Variants in NKAIN2 observed in about 807,000 individuals in gnomAD.
The protein encoded by NKAIN2 is sodium/potassium transporting ATPase interacting 2.
Under a neutral mutation model 32.6 loss-of-function variants are expected in NKAIN2, and 14 were observed. That is an observed-to-expected ratio of 0.43 (90% CI 0.28 to 0.67). NKAIN2 has a LOEUF of 0.67. Ranked by LOEUF, NKAIN2 falls within the 30% of genes least tolerant of loss-of-function variation. The pLI is 0.17. For synonymous variants in NKAIN2, 80 were observed against 87.2 expected (o/e 0.92, Z 0.46); for missense variants, 198 against 258.3 (o/e 0.77, Z 1.60).
intron 3 of NKAIN2, among the ~76,000 whole-genome samples, chr6:124,619,964 G>A (rs961092742): frequency 1.3e-5 from 2 of 152,038 alleles, no homozygotes; most frequent in Non-Finnish European, 2.9e-5. Flanking sequence ...TTGTTGTGAG[G>A]ATTAAATAAG....
intron 3 of NKAIN2, among the ~76,000 whole-genome samples, chr6:124,389,973 T>A (rs942574185): frequency 2.0e-5 from 3 of 152,038 alleles, no homozygotes; most frequent in Non-Finnish European, 4.4e-5. Flanking sequence ...AAGCTGTGTG[T>A]GAGTCCCCAT....
chr6:123,893,970 A>T lies in NKAIN2; in HGVS notation c.54+89716A>T, dbSNP rs542595333. Among the ~76,000 whole-genome samples, 19 of 152,332 alleles carry T rather than the reference A, an allele frequency of 1.2e-4. No individual in the cohort carries two copies. The East Asian group carries it at 3.1e-3, about 25-fold the overall frequency. On this transcript the variant is annotated intron_variant, in intron 1 of 6. Transcript: ENST00000368417. ...TTAGAGAAGATTTAGAGAAGAATTT[A>T]GGTTCATTTATCTTAAAATTTTAAA...
intron 2 of NKAIN2, among the ~76,000 whole-genome samples, chr6:124,346,088 T>C (rs1304646912): frequency 6.6e-6 from 1 of 152,192 alleles, no homozygotes; most frequent in Non-Finnish European, 1.5e-5. Flanking sequence ...CATTTCGTTA[T>C]GTACCCAGTA....
chr6:124,019,293 C>T (rs553058760), intron 1 of NKAIN2, among the ~76,000 whole-genome samples: 67 of 152,088 alleles, frequency 4.4e-4, no homozygotes, highest in African/African-American at 1.6e-3. Flanking sequence ...ACAATAAGGA[C>T]TTTTATGTTA....
intron 4 of NKAIN2, among the ~76,000 whole-genome samples, chr6:124,700,870 T>TCACA (rs1562331736): frequency 1.7e-5 from 2 of 114,696 alleles, no homozygotes; most frequent in Admixed American, 9.1e-5. Context: ...GTCTCTTTCC[T>TCACA]GACACACACA....
chr6:123,935,047 A>AATATATATTATATATATATTTCT (rs1776432994), intron 1 of NKAIN2, among the ~76,000 whole-genome samples: 1 of 147,562 alleles, frequency 6.8e-6, no homozygotes. Context: ...ATATAATTGA[A>AATATATATTATATATATATTTCT]ATATATATTA....
Position 124,112,841 on chromosome 6 carries a change from T to G in NKAIN2, c.55-170164T>G, listed in dbSNP as rs532391589. Among the ~76,000 whole-genome samples the G allele has an allele frequency of 5.9e-5, 9 of 151,988 alleles. No individual in the cohort carries two copies. The South Asian group carries it at 1.9e-3, about 32-fold the overall frequency. On this transcript the variant is annotated intron_variant, in intron 1 of 6. Coordinates refer to ENST00000368417, the MANE Select transcript of NKAIN2 (RefSeq NM_001040214.3). ...TGATACTTTCTTCTGCTTGATCTAG[T>G]CTGCTGCTGAACCCCTTTAGTGCAT...
At chr6:124,724,354 G>A (rs1049856405) in intron 4 of NKAIN2, among the ~76,000 whole-genome samples, 6 of 151,628 alleles carry the variant, frequency 4.0e-5, no homozygotes, top group African/African-American at 1.5e-4. Flanking sequence ...GCTCTCACAG[G>A]GTATTTAAAG....
At chr6:124,495,409 G>A (rs1210097651) in intron 3 of NKAIN2, among the ~76,000 whole-genome samples, 1 of 151,068 alleles carries the variant, frequency 6.6e-6, no homozygotes, top group African/African-American at 2.5e-5. Context: ...TTGTTGTTAT[G>A]TTTTCCCTTG....
intron 3 of NKAIN2, among the ~76,000 whole-genome samples, chr6:124,573,766 A>G (rs1781223798): frequency 6.6e-6 from 1 of 152,154 alleles, no homozygotes; most frequent in Non-Finnish European, 1.5e-5. Context: ...ATAGCAGACT[A>G]GTGATATATA....
intron 3 of NKAIN2, among the ~76,000 whole-genome samples, chr6:124,407,020 T>G (rs1773891355): frequency 6.6e-6 from 1 of 152,156 alleles, no homozygotes; most frequent in Admixed American, 6.5e-5. Context: ...CATTGGTGGC[T>G]TAACATTTCA....
At chr6:123,948,071 C>T (rs189578584) in intron 1 of NKAIN2, among the ~76,000 whole-genome samples, 1 of 152,054 alleles carries the variant, frequency 6.6e-6, no homozygotes, top group East Asian at 1.9e-4. Context: ...CAGTTTTGTC[C>T]ATATTTCTGC....
chr6:123,845,582 C>G (rs1183993585), intron 1 of NKAIN2, among the ~76,000 whole-genome samples: 3 of 152,168 alleles, frequency 2.0e-5, no homozygotes, highest in Non-Finnish European at 2.9e-5. Flanking sequence ...CACCCATAAT[C>G]AGGTTTTTTC....
intron 2 of NKAIN2, among the ~76,000 whole-genome samples, chr6:124,332,037 T>C (rs1283123175): frequency 1.3e-5 from 2 of 152,128 alleles, no homozygotes; most frequent in Non-Finnish European, 2.9e-5. Context: ...ATCTAAAGAT[T>C]GGAAGAAGCT....
At chr6:123,917,272 A>G (rs990103570) in intron 1 of NKAIN2, among the ~76,000 whole-genome samples, 6 of 152,116 alleles carry the variant, frequency 3.9e-5, no homozygotes, top group Non-Finnish European at 8.8e-5. Flanking sequence ...TAGCATAAAT[A>G]TAACATACAA....
chr6:124,485,130 G>A (rs977149647), intron 3 of NKAIN2, among the ~76,000 whole-genome samples: 4 of 152,130 alleles, frequency 2.6e-5, no homozygotes, highest in African/African-American at 9.7e-5. Flanking sequence ...TCTGGTTCTT[G>A]CTATTTCCTA....
chr6:124,506,188 A>AG (rs891615969), intron 3 of NKAIN2, among the ~76,000 whole-genome samples: 2 of 151,772 alleles, frequency 1.3e-5, no homozygotes, highest in African/African-American at 4.8e-5. Flanking sequence ...CTAAAAAAAA[A>AG]AGAAAAAAAA....
intron 3 of NKAIN2, among the ~76,000 whole-genome samples, chr6:124,505,631 G>C (rs1380417860): frequency 1.3e-5 from 2 of 152,134 alleles, no homozygotes; most frequent in Non-Finnish European, 2.9e-5. Flanking sequence ...ATTTTTCTAA[G>C]TGACTGATTT....
chr6:124,610,785 A>T (rs1018412505), intron 3 of NKAIN2, among the ~76,000 whole-genome samples: 2 of 152,198 alleles, frequency 1.3e-5, no homozygotes, highest in African/African-American at 4.8e-5. Context: ...TAGAAATTTT[A>T]AAATGAATAA....
Sources: allele counts gnomAD v4.1 joint callset (sites outside exome capture counted in the v4.1 genomes callset), GRCh38; gene constraint gnomAD v4.1.1; transcripts MANE v1.5; gene names NCBI Gene and HGNC (gene_info 2026-07-23, HGNC 2026-07-21).